Variants in MLF1 observed in about 807,000 individuals in gnomAD.
MLF1 encodes myelodysplasia-myeloid leukemia factor 1.
In MLF1, 37 loss-of-function variants were observed where a neutral mutation model predicts 38.3. That is an observed-to-expected ratio of 0.96 (90% CI 0.74 to 1.27). MLF1 has a LOEUF of 1.27. Ranked by LOEUF, MLF1 falls within the 50% of genes most tolerant of loss-of-function variation. MLF1 has a pLI of 0.00. For synonymous variants in MLF1, 95 were observed against 106.5 expected, an observed-to-expected ratio of 0.89 and a Z score of 0.66; for missense variants, 331 against 349.2, an observed-to-expected ratio of 0.95 and a Z score of 0.42.
At chr3:158,597,276 A>T (rs1719025385) in intron 4 of MLF1, among the ~76,000 whole-genome samples, 1 of 149,700 alleles carries the variant, frequency 6.7e-6, no homozygotes, top group African/African-American at 2.5e-5. Flanking sequence ...GAAAAAAAAT[A>T]ACCTCAAAAA....
At chr3:158,574,505 T>TAAAAAAAAAAAAAA (rs758915813) in intron 1 of MLF1, among the ~76,000 whole-genome samples, 18 of 91,366 alleles carry the variant, frequency 2.0e-4, no homozygotes, top group African/African-American at 9.2e-4. Flanking sequence ...CCATCTGTAC[T>TAAAAAAAAAAAAAA]AAAAAAAAAA....
At chr3:158,573,622 A>G (rs1239873813) in intron 1 of MLF1, among the ~76,000 whole-genome samples, 12 of 152,116 alleles carry the variant, frequency 7.9e-5, no homozygotes, top group Middle Eastern at 3.2e-3. Flanking sequence ...TAAGAGGGGA[A>G]ATTTGTAATA....
rs1714230257 is a variant in MLF1, at chr3:158,571,261, C to T, written c.-40C>T. 3 of 1,534,426 alleles carry T rather than the reference C, an allele frequency of 2.0e-6. No individual in the cohort carries two copies. Among genetic ancestry groups the T allele is most frequent in the South Asian group, 2.3e-5 (2 of 88,884 alleles). On this transcript the variant is annotated 5_prime_UTR_variant, in exon 1 of 8. Transcript: ENST00000466246. ...CCGCGGCGAGTTAACATCGTTTTTC[C>T]AATCTGTCCGCGGCTGCCGCCACCC...
intron 1 of MLF1, among the ~76,000 whole-genome samples, chr3:158,573,770 T>C (rs961298398): frequency 3.9e-5 from 6 of 151,904 alleles, no homozygotes; most frequent in African/African-American, 1.5e-4. Context: ...ATTGCACATA[T>C]TTTTCAAACA....
chr3:158,578,501 TACAA>T (rs1161532148), intron 1 of MLF1, among the ~76,000 whole-genome samples: 1 of 147,838 alleles, frequency 6.8e-6, no homozygotes, highest in Non-Finnish European at 1.5e-5. Context: ...CATACATACA[TACAA>T]ACACACACAC....
intron 7 of MLF1, among the ~76,000 whole-genome samples, chr3:158,604,238 A>C (rs1720203198): frequency 6.6e-6 from 1 of 152,230 alleles, no homozygotes; most frequent in South Asian, 2.1e-4. Flanking sequence ...TATTGATTAA[A>C]AACCTGGCAG....
intron 6 of MLF1, among the ~76,000 whole-genome samples, chr3:158,601,853 G>C (rs1241849522): frequency 2.0e-4 from 25 of 123,752 alleles, no homozygotes; most frequent in African/African-American, 7.9e-4. Flanking sequence ...CTGTTGTCCA[G>C]GCTGGAGTGC....
At chr3:158,576,671 ATT>A (rs11341425) in intron 1 of MLF1, among the ~76,000 whole-genome samples, 447 of 132,704 alleles carry the variant, frequency 3.4e-3, no homozygotes, top group African/African-American at 0.01. Flanking sequence ...GTCAACCTTA[ATT>A]TTTTTTTTTT....
Position 158,571,208 on chromosome 3 carries a change from C to G in MLF1, c.-93C>G. The G allele has an allele frequency of 9.9e-7, 1 of 1,005,570 alleles. No individual in the cohort carries two copies. Among genetic ancestry groups the G allele is most frequent in the African/African-American group, 1.6e-5 (1 of 62,628 alleles). 62.3% of individuals were successfully genotyped at this position (1,005,570 alleles called of 1,614,324 possible). On this transcript the variant is annotated 5_prime_UTR_variant, in exon 1 of 8. Transcript: ENST00000466246. ...TGCGCCGCGGCGAGTGAGGCGTCGTCCGTACTGGAGGCTAGCTCTTGTCGC... is the reference window on the plus strand; with the variant it reads ...TGCGCCGCGGCGAGTGAGGCGTCGTGCGTACTGGAGGCTAGCTCTTGTCGC...
chr3:158,602,980 A>T, intron 7 of MLF1, 41 bp downstream of exon 7: 1 of 1,567,650 alleles, frequency 6.4e-7, no homozygotes, highest in Non-Finnish European at 8.7e-7. Context: ...TTTAAGAAGA[A>T]TTTGAAGTAA....
At chr3:158,597,985 G>A in intron 4 of MLF1, 95 bp from the exon 5 acceptor site, 2 of 1,304,742 alleles carry the variant, frequency 1.5e-6, no homozygotes, top group Non-Finnish European at 1.1e-6. Flanking sequence ...AGTATCCTTA[G>A]TAGAACTTAC....
chr3:158,573,897 C>G (rs888850102), intron 1 of MLF1, among the ~76,000 whole-genome samples: 1 of 152,162 alleles, frequency 6.6e-6, no homozygotes, highest in Non-Finnish European at 1.5e-5. Context: ...CTCTGCCTCC[C>G]AGGCTCAAGC....
intron 7 of MLF1, among the ~76,000 whole-genome samples, chr3:158,604,838 T>C (rs2108665229): frequency 1.3e-5 from 2 of 152,154 alleles, no homozygotes; most frequent in East Asian, 3.9e-4. Flanking sequence ...TTTGTATTTT[T>C]AGTAGAGATG....
intron 1 of MLF1, among the ~76,000 whole-genome samples, chr3:158,572,884 A>G (rs1305458863): frequency 1.3e-5 from 2 of 151,386 alleles, no homozygotes; most frequent in African/African-American, 4.9e-5. Flanking sequence ...GCTGCATGAG[A>G]TGGAAAGAAG....
At chr3:158,595,473 A>G (rs576229691) in intron 3 of MLF1, among the ~76,000 whole-genome samples, 27 of 152,110 alleles carry the variant, frequency 1.8e-4, no homozygotes, top group Non-Finnish European at 2.9e-4. Context: ...GAAATACCCA[A>G]ATGTCTAATC....
At position 158,605,130 on chromosome 3, in the gene MLF1, T is replaced by C; in HGVS notation, c.780T>C (p.His260=). 1 of 1,613,842 alleles carries C rather than the reference T, an allele frequency of 6.2e-7. No individual in the cohort carries two copies. Among genetic ancestry groups the C allele is most frequent in the Non-Finnish European group, 8.5e-7 (1 of 1,179,868 alleles). Residue 260 remains histidine (H), a synonymous_variant, in exon 8 of 8, where the codon CAT becomes CAC. Transcript: ENST00000466246. ...CTCAACAAAGTCCAGCCATTGAACA[T>C]GGAAGGAGATCAAATGTTTTGGGGG... ...EKPQQSPAIE[H]GRRSNVLGDK...
chr3:158,593,606 C>T (rs964584521), intron 3 of MLF1, among the ~76,000 whole-genome samples, 180 bp downstream of exon 3: 1 of 152,100 alleles, frequency 6.6e-6, no homozygotes, highest in African/African-American at 2.4e-5. Context: ...GCACATGTTT[C>T]CTGAAGTAAG....
intron 1 of MLF1, among the ~76,000 whole-genome samples, chr3:158,586,173 AAAAAAG>A (rs1228161287): frequency 6.6e-6 from 1 of 152,018 alleles, no homozygotes; most frequent in Non-Finnish European, 1.5e-5. Flanking sequence ...TCAAAAAAAA[AAAAAAG>A]AAAAGAAAAA....
chr3:158,580,225 A>G (rs1362228847), intron 1 of MLF1, among the ~76,000 whole-genome samples: 2 of 152,068 alleles, frequency 1.3e-5, no homozygotes, highest in Admixed American at 6.6e-5. Context: ...ACGTGTAGCA[A>G]ACCACCATGG....
Sources: gnomAD v4.1 joint callset for allele counts (sites outside exome capture counted in the v4.1 genomes callset) on GRCh38, gnomAD v4.1.1 for gene constraint, MANE v1.5 for transcripts, NCBI Gene and HGNC (gene_info 2026-07-23, HGNC 2026-07-21) for gene names.